Variants in ECH1 observed in about 807,000 individuals in gnomAD.
ECH1 encodes enoyl-CoA hydratase 1.
ECH1 carries 30 observed loss-of-function variants against 37.0 expected under a neutral mutation model. The ratio of observed to expected loss-of-function variants is 0.81; its 90% confidence interval spans 0.61 to 1.10. The LOEUF (loss-of-function observed/expected upper bound fraction) is 1.10, where lower values mean the gene tolerates loss of function less well. Ranked by LOEUF, ECH1 falls within the 50% of genes least tolerant of loss-of-function variation. The probability of loss-of-function intolerance (pLI) is 0.00; values close to 1 mark genes in which losing one functional copy is unlikely to be tolerated. For missense variants in ECH1, 456 were observed against 441.6 expected (o/e 1.03, Z -0.29); for synonymous variants, 178 against 176.0 (o/e 1.01, Z -0.09).
chr19:38,820,018 A>C (rs1243069548), intron 3 of ECH1: 1 of 782,312 alleles, frequency 1.3e-6, no homozygotes, highest in Admixed American at 6.4e-5. Context: ...TGGAAATAGG[A>C]TCCAGATCAC....
chr19:38,819,008 T>TGTGTGTGTGTGTGTGTGCGC (rs371773394), intron 3 of ECH1: 1 of 324,272 alleles, frequency 3.1e-6, no homozygotes, highest in African/African-American at 2.4e-5. Context: ...TGTGTGTGTG[T>TGTGTGTGTGTGTGTGTGCGC]GCGGGCACGT....
chr19:38,829,494 T>C (rs1971787412), intron 3 of ECH1, among the ~76,000 whole-genome samples: 1 of 150,558 alleles, frequency 6.6e-6, no homozygotes, highest in Non-Finnish European at 1.5e-5. Flanking sequence ...AAATAAAATA[T>C]GAACCAAATG....
rs1255790237 is a variant in ECH1 at position 38,831,461 on chromosome 19, G to A, written c.108C>T (p.Ser36=). 5.6e-6 allele frequency: 9 copies of A among 1,614,028 alleles called. No homozygotes were observed. Among genetic ancestry groups the A allele is most frequent in the Non-Finnish European group, 7.6e-6 (9 of 1,180,032 alleles). ...GLSISLRLTG[S]SAQEEASGVA... ...CTCCGGAAGCCTCCTCTTGTGCAGA[G>A]GAGCCAGTGAGGCGAAGGCTAATAC... Residue 36 remains serine (S), a synonymous_variant, in exon 2 of 10, where the codon TCC becomes TCT. Coordinates refer to ENST00000221418, the MANE Select transcript of ECH1 (RefSeq NM_001398.3).
intron 1 of ECH1, 95 bp downstream of exon 1, chr19:38,831,626 G>C: frequency 6.4e-7 from 1 of 1,574,664 alleles, no homozygotes; most frequent in Non-Finnish European, 8.7e-7. Context: ...TAGGGGACTC[G>C]GGCCCTTCGT....
At chr19:38,826,772 T>A (rs1448501798) in intron 3 of ECH1, among the ~76,000 whole-genome samples, 2 of 152,164 alleles carry the variant, frequency 1.3e-5, no homozygotes, top group Non-Finnish European at 2.9e-5. Context: ...CCTCATCTGT[T>A]TGGTCAGGCA....
chr19:38,816,163 G>C (rs2075587), intron 8 of ECH1, 121 bp downstream of exon 8: 661,611 of 1,466,432 alleles, frequency 0.45, 157,201 homozygotes, highest in African/African-American at 0.83. Context: ...AAAGAAATGA[G>C]CTCACCAAGA....
At chr19:38,818,195 C>T (rs997432941) in intron 3 of ECH1, 2 of 977,724 alleles carry the variant, frequency 2.0e-6, no homozygotes, top group African/African-American at 1.8e-5. Context: ...ATGCAGCTGG[C>T]TCCAGAGGCC....
At chr19:38,816,188 G>T in intron 8 of ECH1, 96 bp downstream of exon 8, 2 of 1,520,210 alleles carry the variant, frequency 1.3e-6, no homozygotes, top group South Asian at 1.2e-5. Flanking sequence ...ATGCCACTAG[G>T]AATTCTAGAG....
At chr19:38,831,001 T>A in intron 3 of ECH1, 77 bp downstream of exon 3, 1 of 1,272,768 alleles carries the variant, frequency 7.9e-7, no homozygotes, top group Non-Finnish European at 1.1e-6. Flanking sequence ...CTTAAAACCC[T>A]AATTCAGAAG....
chr19:38,821,563 T>C (rs1971662545), intron 3 of ECH1, among the ~76,000 whole-genome samples: 1 of 152,102 alleles, frequency 6.6e-6, no homozygotes, highest in African/African-American at 2.4e-5. Flanking sequence ...TCCGGGTGGG[T>C]GTGAGCTCGG....
intron 2 of ECH1, 55 bp from the exon 3 acceptor site, chr19:38,831,221 G>A: frequency 6.2e-7 from 1 of 1,608,508 alleles, no homozygotes; most frequent in Non-Finnish European, 8.5e-7. Flanking sequence ...CTGCCCTCAT[G>A]TCCATCTTCC....
chr19:38,815,797 A>T (rs974345677), intron 9 of ECH1, 60 bp downstream of exon 9: 4 of 1,613,026 alleles, frequency 2.5e-6, no homozygotes, highest in African/African-American at 2.7e-5. Context: ...AGCACCCTGC[A>T]CCCTGGTTGG....
rs773213223 is a variant in ECH1, at chr19:38,816,010, G to A, written c.732-3C>T. ...CCTCTTTGTCTGGGAACACCCGGCTGCAGTGAAAGAGATCAGGGACCGGGT... is the reference window on the plus strand; with the variant it reads ...CCTCTTTGTCTGGGAACACCCGGCTACAGTGAAAGAGATCAGGGACCGGGT... On this transcript the variant is annotated splice_polypyrimidine_tract_variant and splice_region_variant and intron_variant, in intron 8 of 9. Transcript: ENST00000221418. 4 of 1,612,658 alleles carry A rather than the reference G, an allele frequency of 2.5e-6. No individual in the cohort carries two copies. The South Asian group carries it at 3.3e-5, about 13-fold the overall frequency.
rs770015411 is a variant in ECH1 at position 38,817,383 on chromosome 19, A to G, written c.475-19T>C. On this transcript the variant is annotated intron_variant, in intron 4 of 9. Transcript: ENST00000221418. ...TGGGGCACTGAGAGGGAACAGGAAG[A>G]GTGGGGTCAGGGCTGGCCCAGGGGA... The G allele has an allele frequency of 3.1e-6, 5 of 1,603,042 alleles. No individual in the cohort carries two copies. In the Admixed American group the frequency reaches 5.2e-5, roughly 17 times the overall value.
intron 3 of ECH1, chr19:38,818,202 G>C: frequency 1.0e-6 from 1 of 983,850 alleles, no homozygotes. Flanking sequence ...TGGCTCCAGA[G>C]GCCATGCTTT....
At chr19:38,818,186 T>C in intron 3 of ECH1, 1 of 969,394 alleles carries the variant, frequency 1.0e-6, no homozygotes, top group African/African-American at 1.8e-5. Context: ...TCTGGAACCA[T>C]GCAGCTGGCT....
At chr19:38,825,813 C>A (rs1432769929) in intron 3 of ECH1, among the ~76,000 whole-genome samples, 1 of 152,200 alleles carries the variant, frequency 6.6e-6, no homozygotes, top group Non-Finnish European at 1.5e-5. Context: ...TATGCCGAGG[C>A]AATCACTGGA....
intron 2 of ECH1, 31 bp from the exon 3 acceptor site, chr19:38,831,197 G>T: frequency 6.2e-7 from 1 of 1,612,348 alleles, no homozygotes; most frequent in Non-Finnish European, 8.5e-7. Flanking sequence ...GGTTACAAAT[G>T]GGGCGGGAAT....
intron 3 of ECH1, among the ~76,000 whole-genome samples, chr19:38,824,735 T>C (rs1047385509): frequency 3.9e-5 from 6 of 152,188 alleles, no homozygotes; most frequent in African/African-American, 1.4e-4. Context: ...AGCTTACAAT[T>C]TACATCCCAC....
Sources: allele counts gnomAD v4.1 joint callset (sites outside exome capture counted in the v4.1 genomes callset), GRCh38; gene constraint gnomAD v4.1.1; transcripts MANE v1.5; gene names NCBI Gene and HGNC (gene_info 2026-07-23, HGNC 2026-07-21).